Variants in ZDHHC17 observed in about 807,000 individuals in gnomAD.
ZDHHC17 encodes the protein palmitoyltransferase ZDHHC17.
ZDHHC17 carries 40 observed loss-of-function variants against 90.3 expected under a neutral mutation model. The observed-to-expected ratio is 0.44, with a 90% CI of 0.34 to 0.58. The LOEUF (loss-of-function observed/expected upper bound fraction) is 0.58. Ranked by LOEUF, ZDHHC17 falls within the 20% of genes least tolerant of loss-of-function variation. The pLI is 0.01. For synonymous variants in ZDHHC17, 235 were observed against 252.4 expected (o/e 0.93, Z 0.65); for missense variants, 614 against 780.8 (o/e 0.79, Z 2.55).
intron 1 of ZDHHC17, among the ~76,000 whole-genome samples, chr12:76,780,775 A>T (rs1004765288): frequency 6.6e-6 from 1 of 152,154 alleles, no homozygotes; most frequent in African/African-American, 2.4e-5. Flanking sequence ...TTCTTCAGGG[A>T]AATACAAATC....
intron 2 of ZDHHC17, among the ~76,000 whole-genome samples, chr12:76,799,690 G>C (rs369494036): frequency 2.0e-5 from 3 of 152,184 alleles, no homozygotes; most frequent in Admixed American, 6.5e-5. Flanking sequence ...CATCTTTTGC[G>C]TGAGCTTTGA....
chr12:76,842,942 AG>A lies in ZDHHC17; in HGVS notation c.1292del (p.Gly431GlufsTer13). ...KKTIVELAET[G>X]SLDLSIFCST... ...AGACAATAGTTGAACTTGCAGAGAC[AG>A]GAAGTCTGGACCTCAGTATATTCTG... On this transcript the variant is annotated frameshift_variant, in exon 12 of 17. Coordinates refer to ENST00000426126, the MANE Select transcript of ZDHHC17 (RefSeq NM_015336.4). LOFTEE classifies it high-confidence loss of function. 1 of 1,611,190 alleles carries A rather than the reference AG, an allele frequency of 6.2e-7. No individual in the cohort carries two copies.
Position 76,836,326 on chromosome 12 carries a change from A to G in ZDHHC17, c.1142-5656A>G, listed in dbSNP as rs1304902231. Among the ~76,000 whole-genome samples, 34 of 124,016 alleles carry G rather than the reference A, an allele frequency of 2.7e-4. 1 individual carries two copies. The highest frequency in any genetic ancestry group is 1.7e-5 in the Non-Finnish European group (1 of 58,132). The allele number at this position is 124,016 out of a possible 152,430, so 81.4% of individuals were successfully genotyped here. A position where few individuals can be genotyped will look rare whatever the true frequency, so the allele number is the denominator to read the frequency against. The stretch of plus-strand genomic sequence containing the variant: ...TAAAGAATTTTGTAATATATAGTTT[A>G]TTTGACTCAATTGTATATATATATA... On this transcript the variant is annotated intron_variant, in intron 10 of 16. Coordinates refer to ENST00000426126, the MANE Select transcript of ZDHHC17 (RefSeq NM_015336.4).
chr12:76,825,825 G>T (rs976819958), intron 8 of ZDHHC17, among the ~76,000 whole-genome samples: 2 of 152,002 alleles, frequency 1.3e-5, no homozygotes, highest in Admixed American at 1.3e-4. Flanking sequence ...CCACAGCTGG[G>T]GTTTTCTTTT....
rs1160152828 is a variant in ZDHHC17 at position 76,835,802 on chromosome 12, C to T, written c.1142-6180C>T. Among the ~76,000 whole-genome samples, 4 of 152,022 alleles carry T rather than the reference C, an allele frequency of 2.6e-5. No individual in the cohort carries two copies. The South Asian group carries it at 8.3e-4, about 32-fold the overall frequency. On this transcript the variant is annotated intron_variant, in intron 10 of 16. Transcript: ENST00000426126. ...ACAGAATGAGCATCCTCATTTTGTT[C>T]CTGACTTTAAAGGGTATCATCTTTA...
At chr12:76,793,513 C>T (rs1316811471) in intron 1 of ZDHHC17, among the ~76,000 whole-genome samples, 2 of 152,210 alleles carry the variant, frequency 1.3e-5, no homozygotes, top group Non-Finnish European at 2.9e-5. Flanking sequence ...GAGTGAGGCT[C>T]TGCCTCAAAA....
intron 1 of ZDHHC17, among the ~76,000 whole-genome samples, chr12:76,766,191 A>G (rs946381104): frequency 5.3e-5 from 8 of 152,230 alleles, no homozygotes; most frequent in African/African-American, 1.9e-4. Flanking sequence ...GGATATTACT[A>G]GAAAGTCAAC....
At chr12:76,839,093 C>G (rs57027889) in intron 10 of ZDHHC17, among the ~76,000 whole-genome samples, 1,844 of 152,196 alleles carry the variant, frequency 0.012, 30 homozygotes, top group African/African-American at 0.041. Context: ...TAAGGAAGGC[C>G]ACGGTCCTAT....
At chr12:76,781,879 A>G (rs1780261331) in intron 1 of ZDHHC17, among the ~76,000 whole-genome samples, 1 of 152,238 alleles carries the variant, frequency 6.6e-6, no homozygotes, top group Non-Finnish European at 1.5e-5. Flanking sequence ...GTTAACTGAA[A>G]AATTCTAGGT....
chr12:76,768,660 T>G (rs528157070), intron 1 of ZDHHC17, among the ~76,000 whole-genome samples: 1 of 152,182 alleles, frequency 6.6e-6, no homozygotes, highest in African/African-American at 2.4e-5. Context: ...AGACCATATG[T>G]TGGTCTACTG....
intron 10 of ZDHHC17, among the ~76,000 whole-genome samples, chr12:76,835,959 T>G (rs551479787): frequency 6.6e-6 from 1 of 152,004 alleles, no homozygotes; most frequent in African/African-American, 2.4e-5. Flanking sequence ...GTATGTTTTT[T>G]TCTTTATGCT....
At chr12:76,820,729 T>A (rs1279752203) in intron 7 of ZDHHC17, among the ~76,000 whole-genome samples, 3 of 152,148 alleles carry the variant, frequency 2.0e-5, no homozygotes, top group Non-Finnish European at 4.4e-5. Context: ...CAACCTTACG[T>A]AGGTGAAATG....
chr12:76,789,165 C>T (rs948777945), intron 1 of ZDHHC17, among the ~76,000 whole-genome samples: 4 of 152,072 alleles, frequency 2.6e-5, no homozygotes, highest in African/African-American at 7.2e-5. Context: ...TTTAAGAATC[C>T]GTCTCTAGGA....
chr12:76,830,633 C>T (rs1953288691), intron 10 of ZDHHC17, among the ~76,000 whole-genome samples: 1 of 152,100 alleles, frequency 6.6e-6, no homozygotes. Flanking sequence ...CTATTTTAAG[C>T]TTACAATAAG....
chr12:76,805,617 A>G (rs1012126675), intron 3 of ZDHHC17, among the ~76,000 whole-genome samples, 178 bp downstream of exon 3: 8 of 152,222 alleles, frequency 5.3e-5, no homozygotes, highest in African/African-American at 7.2e-5. Flanking sequence ...TTGAATGCTT[A>G]TATTAGCCAA....
At chr12:76,827,669 C>G (rs1953245368) in intron 9 of ZDHHC17, among the ~76,000 whole-genome samples, 1 of 152,052 alleles carries the variant, frequency 6.6e-6, no homozygotes, top group African/African-American at 2.4e-5. Context: ...TTTTCACTTG[C>G]ATTTCAGAAA....
intron 1 of ZDHHC17, among the ~76,000 whole-genome samples, chr12:76,792,708 C>T (rs560457588): frequency 3.9e-5 from 6 of 152,068 alleles, no homozygotes; most frequent in Non-Finnish European, 7.4e-5. Context: ...AAGAATCTTC[C>T]AAGTGACTAT....
intron 8 of ZDHHC17, 78 bp downstream of exon 8, chr12:76,822,609 C>T: frequency 2.5e-6 from 3 of 1,213,470 alleles, no homozygotes; most frequent in Non-Finnish European, 1.2e-6. Flanking sequence ...GGCTGGAGTG[C>T]AGTGGCGAGA....
chr12:76,849,683 TTTAATTTTA>T, intron 16 of ZDHHC17: 1 of 349,104 alleles, frequency 2.9e-6, no homozygotes. Flanking sequence ...TTTTTTTCTT[TTTAATTTTA>T]AATTTGTATT....
Sources: gnomAD v4.1 joint callset for allele counts (sites outside exome capture counted in the v4.1 genomes callset) on GRCh38, gnomAD v4.1.1 for gene constraint, MANE v1.5 for transcripts, NCBI Gene and HGNC (gene_info 2026-07-23, HGNC 2026-07-21) for gene names.